TAFA4: variants seen among roughly 807,000 people sequenced by gnomAD.
The protein encoded by TAFA4 is TAFA chemokine like family member 4.
A neutral mutation model predicts 21.1 loss-of-function variants in TAFA4; 20 were observed. The observed-to-expected ratio is 0.95, with a 90% CI of 0.67 to 1.38. The LOEUF is 1.38. TAFA4 is among the 40% of genes most tolerant of loss of function. The pLI is 0.00. For missense variants in TAFA4, 211 were observed against 180.9 expected, an observed-to-expected ratio of 1.17 and a Z score of -0.95; for synonymous variants, 71 against 67.4, an observed-to-expected ratio of 1.05 and a Z score of -0.26.
chr3:68,800,732 C>T (rs1254844101), intron 3 of TAFA4, among the ~76,000 whole-genome samples: 7 of 152,198 alleles, frequency 4.6e-5, no homozygotes, highest in Non-Finnish European at 8.8e-5. Context: ...CATTAAGGCA[C>T]GTTTGAAAGC....
intron 3 of TAFA4, among the ~76,000 whole-genome samples, chr3:68,780,923 C>T (rs1269274421): frequency 6.6e-6 from 1 of 150,422 alleles, no homozygotes. Context: ...CCTTAAAAAC[C>T]TAAAAGGCAT....
rs114488701 is a variant in TAFA4, at chr3:68,908,414, G to T, written c.-122-23104C>A. Among the ~76,000 whole-genome samples, 130 of 151,866 alleles carry T rather than the reference G, an allele frequency of 8.6e-4. 1 individual carries two copies. Among genetic ancestry groups the T allele is most frequent in the African/African-American group, 2.7e-3 (113 of 41,406 alleles). ...TCTATCCAGAGCCTGTCCTATTCAC[G>T]TTCTTATCAACAACTCAGATGGCGA... On this transcript the variant is annotated intron_variant, in intron 1 of 5. Transcript: ENST00000295569.
At chr3:68,887,878 C>T (rs55650012) in intron 1 of TAFA4, among the ~76,000 whole-genome samples, 28,778 of 152,068 alleles carry the variant, frequency 0.19, 3,622 homozygotes, top group Non-Finnish European at 0.28. Flanking sequence ...AAGCACCTGG[C>T]TCCATTCCAG....
chr3:68,851,665 C>T (rs1039362082), intron 3 of TAFA4, among the ~76,000 whole-genome samples: 5 of 152,192 alleles, frequency 3.3e-5, no homozygotes, highest in East Asian at 1.9e-4. Context: ...CACACTCTCC[C>T]AGACATAGAT....
chr3:68,842,457 G>C (rs915402906), intron 3 of TAFA4, among the ~76,000 whole-genome samples: 1 of 152,146 alleles, frequency 6.6e-6, no homozygotes, highest in African/African-American at 2.4e-5. Flanking sequence ...TTTGTCAGGT[G>C]GATGGATTGC....
chr3:68,803,492 C>A (rs916435044), intron 3 of TAFA4, among the ~76,000 whole-genome samples: 4 of 152,100 alleles, frequency 2.6e-5, no homozygotes, highest in Non-Finnish European at 5.9e-5. Context: ...CATGATCAGA[C>A]ATGATCGTTC....
intron 3 of TAFA4, among the ~76,000 whole-genome samples, chr3:68,864,825 A>G (rs1444764171): frequency 1.3e-5 from 2 of 151,242 alleles, no homozygotes; most frequent in Non-Finnish European, 2.9e-5. Context: ...ATGCAGCAAC[A>G]TGGAAGAATC....
chr3:68,889,373 A>C (rs2089708738), intron 1 of TAFA4, among the ~76,000 whole-genome samples: 1 of 152,214 alleles, frequency 6.6e-6, no homozygotes, highest in Admixed American at 6.5e-5. Context: ...TCCATGTTAC[A>C]CAAGAAAGAA....
rs547066747 is a variant in TAFA4, at chr3:68,731,843, C to G, written c.*1299G>C. The G allele has an allele frequency of 2.0e-5, 3 of 151,416 alleles. No homozygotes were observed. Among genetic ancestry groups the G allele is most frequent in the Admixed American group, 6.6e-5 (1 of 15,148 alleles). The allele number at this position is 151,416 out of a possible 1,614,324, so 9.4% of individuals were successfully genotyped here. A position where few individuals can be genotyped will look rare whatever the true frequency, so the allele number is the denominator to read the frequency against. On this transcript the variant is annotated 3_prime_UTR_variant, in exon 6 of 6. Transcript: ENST00000295569. ...TCAAAAATTACGCCAACAAATCTTT[C>G]CATTCCTTTCCATTCCCTCTGCAAG...
chr3:68,930,451 C>A (rs1575678979), intron 1 of TAFA4, among the ~76,000 whole-genome samples: 1 of 152,192 alleles, frequency 6.6e-6, no homozygotes, highest in Non-Finnish European at 1.5e-5. Flanking sequence ...TGACTTGAAG[C>A]CTTATAATAA....
intron 3 of TAFA4, among the ~76,000 whole-genome samples, chr3:68,862,862 C>T (rs1013834245): frequency 2.6e-5 from 4 of 151,596 alleles, no homozygotes; most frequent in African/African-American, 9.7e-5. Flanking sequence ...TTTTCACACA[C>T]ACACACACAC....
chr3:68,733,086 C>G lies in TAFA4; in HGVS notation c.*56G>C. On this transcript the variant is annotated 3_prime_UTR_variant, in exon 6 of 6. Coordinates refer to ENST00000295569, the MANE Select transcript of TAFA4 (RefSeq NM_182522.5). ...AAAGGGGCCATGATGGGAATCCAAG[C>G]AAAAGAGCTCCGCCTCCTGCTGCCC... 1 of 1,610,026 alleles carries G rather than the reference C, an allele frequency of 6.2e-7. No individual in the cohort carries two copies. Among genetic ancestry groups the G allele is most frequent in the Non-Finnish European group, 8.5e-7 (1 of 1,178,078 alleles).
chr3:68,796,346 A>G (rs1055746546), intron 3 of TAFA4, among the ~76,000 whole-genome samples: 5 of 152,332 alleles, frequency 3.3e-5, no homozygotes, highest in African/African-American at 9.6e-5. Flanking sequence ...AATATAGACA[A>G]TATCTCTCCA....
At chr3:68,859,853 T>C (rs1247378236) in intron 3 of TAFA4, among the ~76,000 whole-genome samples, 1 of 152,128 alleles carries the variant, frequency 6.6e-6, no homozygotes, top group Non-Finnish European at 1.5e-5. Context: ...TTTCTTAGAA[T>C]ACCACAAAAT....
intron 3 of TAFA4, among the ~76,000 whole-genome samples, chr3:68,870,598 C>G (rs2089470665): frequency 1.3e-5 from 2 of 151,926 alleles, no homozygotes; most frequent in Non-Finnish European, 2.9e-5. Context: ...CTTTAAAGTT[C>G]TGGGATACAT....
chr3:68,823,082 G>C (rs1417255952), intron 3 of TAFA4, among the ~76,000 whole-genome samples: 1 of 152,078 alleles, frequency 6.6e-6, no homozygotes, highest in Admixed American at 6.5e-5. Context: ...TAAGTATCAA[G>C]ATCTTCAGGT....
At chr3:68,921,318 C>G (rs1219312661) in intron 1 of TAFA4, among the ~76,000 whole-genome samples, 1 of 151,998 alleles carries the variant, frequency 6.6e-6, no homozygotes, top group East Asian at 1.9e-4. Context: ...ATTTCTATAA[C>G]TCAGATTATC....
rs535866547 is a variant in TAFA4 at position 68,923,090 on chromosome 3, C to T, written c.-123+9150G>A. ...GAGGCCCAGCTCTCCCACTCCCCTT[C>T]CCCATACAGGCTTATTTCTGGGTCT... On this transcript the variant is annotated intron_variant, in intron 1 of 5. Coordinates refer to ENST00000295569, the MANE Select transcript of TAFA4 (RefSeq NM_182522.5). Among the ~76,000 whole-genome samples the T allele has an allele frequency of 9.8e-5, 15 of 152,298 alleles. No homozygotes were observed. The South Asian group carries it at 3.1e-3, about 32-fold the overall frequency.
chr3:68,892,983 T>C (rs1002945142), intron 1 of TAFA4, among the ~76,000 whole-genome samples: 8 of 152,190 alleles, frequency 5.3e-5, no homozygotes, highest in African/African-American at 1.7e-4. Context: ...CCAAGTGAAA[T>C]TGCCCAGGTC....
Sources: gnomAD v4.1 joint callset for allele counts (sites outside exome capture counted in the v4.1 genomes callset) on GRCh38, gnomAD v4.1.1 for gene constraint, MANE v1.5 for transcripts, NCBI Gene and HGNC (gene_info 2026-07-23, HGNC 2026-07-21) for gene names.